Variants in PACRG observed in about 807,000 individuals in gnomAD.
The protein encoded by PACRG is parkin coregulated.
PACRG carries 29 observed loss-of-function variants against 29.7 expected under a neutral mutation model. The observed-to-expected ratio is 0.98, with a 90% CI of 0.73 to 1.33. The LOEUF is 1.33. Among genes scored for constraint, PACRG ranks in the 40% most tolerant of loss-of-function variants. The probability of loss-of-function intolerance (pLI) is 0.00; values close to 1 mark genes in which losing one functional copy is unlikely to be tolerated. For missense variants in PACRG, 279 were observed against 316.2 expected (o/e 0.88, Z 0.89); for synonymous variants, 116 against 118.7 (o/e 0.98, Z 0.15).
intron 2 of PACRG, among the ~76,000 whole-genome samples, chr6:163,027,274 A>G (rs1222879878): frequency 6.6e-6 from 1 of 152,106 alleles, no homozygotes; most frequent in Middle Eastern, 3.2e-3. Context: ...TTTTTTCCTC[A>G]AGGTTCGTCT....
chr6:162,816,098 G>T (rs1787316400), intron 2 of PACRG, among the ~76,000 whole-genome samples: 1 of 152,012 alleles, frequency 6.6e-6, no homozygotes, highest in Non-Finnish European at 1.5e-5. Context: ...CCAACAGTCA[G>T]CAGGGATATA....
intron 1 of PACRG, among the ~76,000 whole-genome samples, chr6:162,804,958 G>C (rs1786195064): frequency 6.6e-6 from 1 of 152,174 alleles, no homozygotes; most frequent in Non-Finnish European, 1.5e-5. Flanking sequence ...CCTAGACTAT[G>C]TGTTGTAGCC....
intron 1 of PACRG, among the ~76,000 whole-genome samples, chr6:162,786,898 T>C (rs566723869): frequency 7.2e-5 from 11 of 152,256 alleles, no homozygotes; most frequent in Admixed American, 2.6e-4. Context: ...ATTTACAAAA[T>C]CAAATGCACT....
rs552954662 is a variant in PACRG, at chr6:162,918,563, G to A, written c.291+104282G>A. Among the ~76,000 whole-genome samples the A allele has an allele frequency of 2.6e-5, 4 of 152,284 alleles. No homozygotes were observed. The South Asian group carries it at 6.2e-4, about 24-fold the overall frequency. ...AAAAATGTAACAACAGTATGCTGGG[G>A]AGGAGCATAGGTATTCAAGAAAGGG... On this transcript the variant is annotated intron_variant, in intron 2 of 4. Coordinates refer to ENST00000366888, the MANE Select transcript of PACRG (RefSeq NM_001080379.2).
chr6:163,261,895 G>A (rs1007942864), intron 4 of PACRG, among the ~76,000 whole-genome samples: 2 of 152,178 alleles, frequency 1.3e-5, no homozygotes, highest in Admixed American at 1.3e-4. Context: ...TTGAGCATCT[G>A]TGGATTTTAG....
chr6:163,123,768 A>G (rs912469406), intron 4 of PACRG, among the ~76,000 whole-genome samples: 1 of 152,188 alleles, frequency 6.6e-6, no homozygotes, highest in East Asian at 1.9e-4. Context: ...TTCTTCTCTG[A>G]CTATTTCACC....
intron 3 of PACRG, among the ~76,000 whole-genome samples, chr6:163,071,831 A>G (rs551237093): frequency 2.1e-4 from 32 of 152,116 alleles, no homozygotes; most frequent in African/African-American, 7.2e-4. Context: ...GAAAATCTAG[A>G]GGAAACTGAC....
chr6:162,894,489 T>C (rs1414207135), intron 2 of PACRG, among the ~76,000 whole-genome samples: 2 of 152,116 alleles, frequency 1.3e-5, no homozygotes, highest in Admixed American at 1.3e-4. Flanking sequence ...GGGAAAGAGA[T>C]TGTAATCACT....
chr6:162,867,174 C>T (rs1043373783), intron 2 of PACRG, among the ~76,000 whole-genome samples: 6 of 152,164 alleles, frequency 3.9e-5, no homozygotes, highest in African/African-American at 1.4e-4. Flanking sequence ...CACCTGAATG[C>T]TCCCCAGTCT....
intron 2 of PACRG, among the ~76,000 whole-genome samples, chr6:162,961,034 G>A (rs1335663523): frequency 6.6e-6 from 1 of 152,206 alleles, no homozygotes; most frequent in Non-Finnish European, 1.5e-5. Flanking sequence ...TTTTTGGCCA[G>A]ATGAGGATTG....
chr6:162,994,978 AG>A (rs1803835237), intron 2 of PACRG, among the ~76,000 whole-genome samples: 1 of 150,030 alleles, frequency 6.7e-6, no homozygotes, highest in South Asian at 2.1e-4. Flanking sequence ...CCTCAGCTGC[AG>A]GTCTGTTGGA....
chr6:163,016,781 T>C (rs1806153940), intron 2 of PACRG, among the ~76,000 whole-genome samples: 2 of 152,038 alleles, frequency 1.3e-5, no homozygotes, highest in African/African-American at 4.8e-5. Flanking sequence ...TTTCAACAAA[T>C]GTAAAATTAG....
chr6:163,181,926 T>G (rs1411729723), intron 4 of PACRG, among the ~76,000 whole-genome samples: 1 of 152,180 alleles, frequency 6.6e-6, no homozygotes, highest in Non-Finnish European at 1.5e-5. Flanking sequence ...CAGAATACTA[T>G]TCACAGCAGC....
intron 4 of PACRG, among the ~76,000 whole-genome samples, chr6:163,106,052 A>C (rs1347818194): frequency 6.6e-6 from 1 of 152,152 alleles, no homozygotes; most frequent in Non-Finnish European, 1.5e-5. Flanking sequence ...ATTCTGGATT[A>C]AGCTGTTTTC....
At chr6:163,257,537 C>A (rs1267705828) in intron 4 of PACRG, among the ~76,000 whole-genome samples, 1 of 152,218 alleles carries the variant, frequency 6.6e-6, no homozygotes, top group African/African-American at 2.4e-5. Context: ...TTACAACTAT[C>A]AAACTACGTT....
intron 1 of PACRG, among the ~76,000 whole-genome samples, chr6:162,760,150 T>C (rs1782233358): frequency 6.6e-6 from 1 of 152,176 alleles, no homozygotes; most frequent in Non-Finnish European, 1.5e-5. Flanking sequence ...CCAAGTGCGG[T>C]GTATGACTCC....
chr6:163,053,290 A>C (rs1213161012), intron 2 of PACRG, among the ~76,000 whole-genome samples: 1 of 152,226 alleles, frequency 6.6e-6, no homozygotes, highest in Non-Finnish European at 1.5e-5. Context: ...TGTGACAGAC[A>C]CACACATACA....
chr6:163,167,592 A>G (rs1026167183), intron 4 of PACRG, among the ~76,000 whole-genome samples: 1 of 152,230 alleles, frequency 6.6e-6, no homozygotes, highest in Non-Finnish European at 1.5e-5. Context: ...ATCTAGCTAA[A>G]TGAAGGAGAT....
At chr6:162,924,411 C>T (rs1490537370) in intron 2 of PACRG, among the ~76,000 whole-genome samples, 3 of 152,054 alleles carry the variant, frequency 2.0e-5, no homozygotes, top group African/African-American at 7.2e-5. Context: ...CTGGCTAGGA[C>T]TTCCAGTACT....
Sources: gnomAD v4.1 joint callset for allele counts (sites outside exome capture counted in the v4.1 genomes callset) on GRCh38, gnomAD v4.1.1 for gene constraint, MANE v1.5 for transcripts, NCBI Gene and HGNC (gene_info 2026-07-23, HGNC 2026-07-21) for gene names.